EIF4G3: variants seen among roughly 807,000 people sequenced by gnomAD.
EIF4G3 encodes the protein eIF-4-gamma 3.
EIF4G3 carries 34 observed loss-of-function variants against 186.4 expected under a neutral mutation model. The observed-to-expected ratio is 0.18, with a 90% CI of 0.14 to 0.24. EIF4G3 has a LOEUF of 0.24. Ranked by LOEUF, EIF4G3 falls within the 10% of genes least tolerant of loss-of-function variation. The pLI is 1.00. For missense variants in EIF4G3, 1,536 were observed against 1,948.5 expected (o/e 0.79, Z 3.99); for synonymous variants, 673 against 679.5 (o/e 0.99, Z 0.15).
At chr1:21,166,104 T>C (rs1203142975) in intron 2 of EIF4G3, among the ~76,000 whole-genome samples, 8 of 136,150 alleles carry the variant, frequency 5.9e-5, no homozygotes, top group African/African-American at 2.1e-4. Flanking sequence ...CTGACTATAG[T>C]CTTAAACTCT....
At chr1:20,947,393 C>A (rs1302754569) in intron 13 of EIF4G3, among the ~76,000 whole-genome samples, 1 of 150,934 alleles carries the variant, frequency 6.6e-6, no homozygotes, top group Non-Finnish European at 1.5e-5. Context: ...GAAAAAAAAC[C>A]ATTTTCTCTG....
intron 33 of EIF4G3, among the ~76,000 whole-genome samples, chr1:20,822,588 C>CTTTTTTTTTTTTTTTTTTTTATTTTT: frequency 7.7e-6 from 1 of 129,732 alleles, no homozygotes; most frequent in Non-Finnish European, 1.7e-5. Flanking sequence ...GTTCTAATTT[C>CTTTTTTTTTTTTTTTTTTTTATTTTT]TTTTTTTTTT....
chr1:20,938,692 C>A (rs1020027852), intron 14 of EIF4G3, among the ~76,000 whole-genome samples: 3 of 152,170 alleles, frequency 2.0e-5, no homozygotes, highest in Non-Finnish European at 4.4e-5. Context: ...ATGACCACGT[C>A]AGGTGGATAT....
At chr1:20,854,561 C>G (rs866269527) in intron 26 of EIF4G3, among the ~76,000 whole-genome samples, 1 of 150,600 alleles carries the variant, frequency 6.6e-6, no homozygotes, top group Non-Finnish European at 1.5e-5. Context: ...AAAAATCAGC[C>G]AGGTGTGATG....
At chr1:21,053,264 G>A (rs2094358384) in intron 3 of EIF4G3, among the ~76,000 whole-genome samples, 1 of 149,982 alleles carries the variant, frequency 6.7e-6, no homozygotes, top group Admixed American at 6.6e-5. Flanking sequence ...CCTCTGCCTG[G>A]CAACCGCCCC....
Position 21,148,443 on chromosome 1 carries a change from C to T in EIF4G3, c.-272+27732G>A, listed in dbSNP as rs190966710. ...AACAGCCGGGCGCGGTGGCTCACACCTGTCATCCCAGCACTTTGGGAGGCC... is the reference window on the plus strand; with the variant it reads ...AACAGCCGGGCGCGGTGGCTCACACTTGTCATCCCAGCACTTTGGGAGGCC... On this transcript the variant is annotated intron_variant, in intron 2 of 36. Coordinates refer to ENST00000602326, the MANE Select transcript of EIF4G3 (RefSeq NM_001391906.1). 2.2e-4 allele frequency among the ~76,000 whole-genome samples: 34 copies of T among 152,142 alleles called. No individual in the cohort carries two copies. The East Asian group carries it at 4.7e-3, about 21-fold the overall frequency.
chr1:20,950,492 TG>T (rs2096162562), intron 12 of EIF4G3, among the ~76,000 whole-genome samples: 1 of 152,262 alleles, frequency 6.6e-6, no homozygotes, highest in East Asian at 1.9e-4. Flanking sequence ...AAGAAGGATT[TG>T]GTCAACTTCA....
At chr1:20,985,498 C>T (rs1012365756) in intron 7 of EIF4G3, among the ~76,000 whole-genome samples, 5 of 148,464 alleles carry the variant, frequency 3.4e-5, no homozygotes, top group African/African-American at 5.0e-5. Context: ...CTAGAAAAGC[C>T]GTAATGACTA....
intron 20 of EIF4G3, among the ~76,000 whole-genome samples, chr1:20,874,877 T>C (rs2080300137): frequency 6.6e-6 from 1 of 152,176 alleles, no homozygotes; most frequent in South Asian, 2.1e-4. Flanking sequence ...ATGTGTGTAG[T>C]AGGATTCTAT....
intron 3 of EIF4G3, among the ~76,000 whole-genome samples, chr1:21,056,318 G>C (rs756988952): frequency 2.0e-5 from 3 of 151,996 alleles, no homozygotes; most frequent in Non-Finnish European, 2.9e-5. Flanking sequence ...CTAGAAACAG[G>C]CTGTTACATA....
At chr1:20,822,714 G>T (rs2062720792) in intron 33 of EIF4G3, among the ~76,000 whole-genome samples, 1 of 151,446 alleles carries the variant, frequency 6.6e-6, no homozygotes, top group African/African-American at 2.4e-5. Flanking sequence ...ATGAGCCATT[G>T]TGTCTGGCCT....
chr1:21,110,157 T>C (rs997112889), intron 2 of EIF4G3, among the ~76,000 whole-genome samples: 2 of 152,238 alleles, frequency 1.3e-5, no homozygotes, highest in Non-Finnish European at 2.9e-5. Context: ...GGATAACTTC[T>C]ATATTTTTTT....
At chr1:21,070,381 C>T (rs890293907) in intron 3 of EIF4G3, among the ~76,000 whole-genome samples, 2 of 152,184 alleles carry the variant, frequency 1.3e-5, no homozygotes, top group African/African-American at 2.4e-5. Flanking sequence ...CTCTGAAGCA[C>T]ATTATTACAA....
chr1:20,926,839 TA>T (rs1363362342), intron 14 of EIF4G3, among the ~76,000 whole-genome samples: 1 of 151,956 alleles, frequency 6.6e-6, no homozygotes, highest in African/African-American at 2.4e-5. Flanking sequence ...AAACATTTAA[TA>T]AAAGCTCTCG....
chr1:20,880,022 T>TAA (rs796748437), intron 19 of EIF4G3, among the ~76,000 whole-genome samples: 6 of 139,662 alleles, frequency 4.3e-5, no homozygotes, highest in Admixed American at 7.1e-5. Context: ...GTAAAAACTC[T>TAA]AAAAAAAAAA....
chr1:21,145,916 C>CA (rs2102725383), intron 2 of EIF4G3, among the ~76,000 whole-genome samples: 1 of 151,898 alleles, frequency 6.6e-6, no homozygotes, highest in East Asian at 1.9e-4. Flanking sequence ...CTCATCTCTA[C>CA]AAAAAACATT....
At position 21,174,174 on chromosome 1, in the gene EIF4G3, G is replaced by A. The variant is rs575367317; in HGVS notation, c.-272+2001C>T. On this transcript the variant is annotated intron_variant, in intron 2 of 36. Transcript: ENST00000602326. ...CCACACAAAAGTAAGTGTTCCATAT[G>A]ACTAAAATTGGTTTAAAATTATCTA... Among the ~76,000 whole-genome samples, 305 of 152,102 alleles carry A rather than the reference G, an allele frequency of 2.0e-3. 1 individual carries two copies. Among genetic ancestry groups the A allele is most frequent in the Non-Finnish European group, 3.3e-3 (225 of 67,986 alleles).
intron 4 of EIF4G3, among the ~76,000 whole-genome samples, chr1:21,026,042 A>T (rs1196622682): frequency 6.6e-6 from 1 of 152,212 alleles, no homozygotes; most frequent in African/African-American, 2.4e-5. Flanking sequence ...CAAAAACAGA[A>T]AAACTCCCCA....
intron 9 of EIF4G3, 52 bp from the exon 10 acceptor site, chr1:20,980,500 A>G (rs1196532425): frequency 1.6e-6 from 2 of 1,216,042 alleles, no homozygotes; most frequent in Admixed American, 3.1e-5. Context: ...TCTGGGGGCG[A>G]AAAACATAAT....
Sources: gnomAD v4.1 joint callset for allele counts (sites outside exome capture counted in the v4.1 genomes callset) on GRCh38, gnomAD v4.1.1 for gene constraint, MANE v1.5 for transcripts, NCBI Gene and HGNC (gene_info 2026-07-23, HGNC 2026-07-21) for gene names.